The following DNAH3 variants were observed in gnomAD, a reference collection of about 807,000 sequenced individuals.
DNAH3 encodes the protein axonemal beta dynein heavy chain 3.
DNAH3 carries 332 observed loss-of-function variants against 432.5 expected under a neutral mutation model. That is an observed-to-expected ratio of 0.77 (90% confidence interval 0.70 to 0.84). The LOEUF (loss-of-function observed/expected upper bound fraction) is 0.84. Ranked by LOEUF, DNAH3 falls within the 40% of genes least tolerant of loss-of-function variation. The probability of loss-of-function intolerance (pLI) is 0.00; values close to 1 mark genes in which losing one functional copy is unlikely to be tolerated. For synonymous variants in DNAH3, 1,956 were observed against 1,900.2 expected, an observed-to-expected ratio of 1.03 and a Z score of -0.76; for missense variants, 4,861 against 5,114.0, an observed-to-expected ratio of 0.95 and a Z score of 1.51.
chr16:21,134,789 C>T (rs915262123), intron 6 of DNAH3, among the ~76,000 whole-genome samples: 1 of 152,094 alleles, frequency 6.6e-6, no homozygotes, highest in Non-Finnish European at 1.5e-5. Flanking sequence ...TAGGTTCAAG[C>T]CATTCTCCTG....
At chr16:21,150,929 T>A (rs1218283469) in intron 1 of DNAH3, 83 bp from the exon 1 acceptor site, 1 of 152,342 alleles carries the variant, frequency 6.6e-6, no homozygotes, top group Non-Finnish European at 1.5e-5. Context: ...CCTAGCTCTG[T>A]GAGCTGGTGT....
At chr16:21,023,827 G>A (rs569889905) in intron 39 of DNAH3, among the ~76,000 whole-genome samples, 81 of 147,516 alleles carry the variant, frequency 5.5e-4, no homozygotes, top group Middle Eastern at 6.9e-3. Context: ...GTGGACTGGC[G>A]CTTGAATGTG....
chr16:21,107,117 C>T (rs1452916133), intron 14 of DNAH3, among the ~76,000 whole-genome samples: 1 of 151,988 alleles, frequency 6.6e-6, no homozygotes. Flanking sequence ...AGCTCATACT[C>T]TTAACAAATA....
rs1487585985 is a variant in DNAH3, at chr16:21,122,071, C to A, written c.1458G>T (p.Gln486His). The change falls in exon 10 of 62, where the codon CAG becomes CAT. Residue 486 changes from glutamine (Q) to histidine (H), a missense_variant. By Grantham distance (24) the Gln-to-His change is conservative (BLOSUM62 0). Transcript: ENST00000261383. ...TGACTTCAAGTTTGATCATGATTAGCTGAGGTATGAAAAACTTCATCTCTT... is the reference window on the plus strand; with the variant it reads ...TGACTTCAAGTTTGATCATGATTAGATGAGGTATGAAAAACTTCATCTCTT... 6 of 1,613,624 alleles carry A rather than the reference C, an allele frequency of 3.7e-6. No homozygotes were observed. The African/African-American group carries it at 8.0e-5, about 22-fold the overall frequency.
intron 41 of DNAH3, among the ~76,000 whole-genome samples, chr16:21,014,400 C>T (rs1213502973): frequency 6.6e-6 from 1 of 152,052 alleles, no homozygotes; most frequent in Non-Finnish European, 1.5e-5. Flanking sequence ...TGACAAAATC[C>T]AACATCCACT....
At position 20,997,410 on chromosome 16, in the gene DNAH3, C is replaced by A. The variant is rs775114534; in HGVS notation, c.6474G>T (p.Glu2158Asp). 6 of 1,614,188 alleles carry A rather than the reference C, an allele frequency of 3.7e-6. No individual in the cohort carries two copies. In the South Asian group the frequency reaches 6.6e-5, roughly 18 times the overall value. The change falls in exon 44 of 62, where the codon GAG becomes GAT. Residue 2158 changes from glutamate (E) to aspartate (D), a missense_variant. Glu to Asp is a conservative substitution (Grantham distance 45). Coordinates refer to ENST00000261383, the Ensembl canonical transcript of DNAH3. ...CATGGTCAATCCACTGCCTCAGGAG[C>A]TCGATGGGTGGCTGGGCCCCATACA...
intron 59 of DNAH3, 146 bp from the exon 60 acceptor site, chr16:20,936,999 A>G: frequency 1.5e-6 from 1 of 657,808 alleles, no homozygotes; most frequent in South Asian, 2.0e-5. Flanking sequence ...TTACCTTGCT[A>G]CCTAAAGATA....
At chr16:21,067,158 A>T in intron 24 of DNAH3, 125 bp downstream of exon 24, 1 of 1,092,716 alleles carries the variant, frequency 9.2e-7, no homozygotes, top group Non-Finnish European at 1.4e-6. Context: ...ACTGTCTTGG[A>T]GAATGGAAAA....
intron 42 of DNAH3, among the ~76,000 whole-genome samples, chr16:21,001,506 G>A (rs570057407): frequency 1.2e-4 from 19 of 152,262 alleles, no homozygotes; most frequent in Middle Eastern, 3.4e-3. Flanking sequence ...AGGTCTGTGC[G>A]ACATAATGGC....
At chr16:21,111,464 C>G (rs1486694570) in intron 14 of DNAH3, among the ~76,000 whole-genome samples, 162 bp downstream of exon 14, 2 of 152,128 alleles carry the variant, frequency 1.3e-5, no homozygotes, top group African/African-American at 4.8e-5. Flanking sequence ...CTGTTCACCT[C>G]CTAGCCTGAA....
exon 53 of DNAH3, chr16:20,964,840 T>C: frequency 1.9e-6 from 3 of 1,614,092 alleles, no homozygotes; most frequent in South Asian, 2.2e-5. Flanking sequence ...GACCCGATAA[T>C]CCACTGTAAA....
intron 16 of DNAH3, chr16:21,104,168 T>C (rs1295911954): frequency 1.5e-5 from 4 of 267,904 alleles, no homozygotes; most frequent in African/African-American, 8.7e-5. Context: ...TTCACTATTA[T>C]TATTGGGGAG....
intron 21 of DNAH3, among the ~76,000 whole-genome samples, chr16:21,073,593 T>C (rs2090870811): frequency 1.3e-5 from 2 of 152,184 alleles, no homozygotes; most frequent in South Asian, 2.1e-4. Flanking sequence ...CTGAAGGACA[T>C]TGGAAGGCCT....
chr16:21,105,297 A>G (rs1169436797), intron 15 of DNAH3, among the ~76,000 whole-genome samples: 2 of 152,212 alleles, frequency 1.3e-5, no homozygotes, highest in African/African-American at 4.8e-5. Context: ...ATTTTCAGAT[A>G]GAAAATGGCT....
At chr16:21,000,457 T>C (rs766866212) in exon 43 of DNAH3, 2 of 1,613,832 alleles carry the variant, frequency 1.2e-6, no homozygotes, top group Non-Finnish European at 1.7e-6. Flanking sequence ...ATGGTCTAAG[T>C]AGGTTTTCAA....
At chr16:21,043,141 T>C (rs1428284801) in intron 31 of DNAH3, among the ~76,000 whole-genome samples, 7 of 152,082 alleles carry the variant, frequency 4.6e-5, no homozygotes, top group African/African-American at 1.7e-4. Flanking sequence ...TACGTGTGCA[T>C]GTGTCTTTAT....
exon 53 of DNAH3, chr16:20,963,726 C>A: frequency 6.2e-7 from 1 of 1,614,076 alleles, no homozygotes; most frequent in Non-Finnish European, 8.5e-7. Context: ...CCGTAATTTC[C>A]TTCTTCTGTT....
At chr16:20,976,377 G>C (rs2085590884) in intron 50 of DNAH3, among the ~76,000 whole-genome samples, 1 of 152,002 alleles carries the variant, frequency 6.6e-6, no homozygotes, top group South Asian at 2.1e-4. Flanking sequence ...ATTTTTAGTA[G>C]AGATGGGGTT....
chr16:20,964,370 T>G, exon 53 of DNAH3: 3 of 1,614,184 alleles, frequency 1.9e-6, no homozygotes, highest in Non-Finnish European at 2.5e-6. Context: ...CGGGTTGTGA[T>G]GTATAACTTA....
Sources: gnomAD v4.1 joint callset for allele counts (sites outside exome capture counted in the v4.1 genomes callset) on GRCh38, gnomAD v4.1.1 for gene constraint, MANE v1.5 for transcripts, NCBI Gene and HGNC (gene_info 2026-07-23, HGNC 2026-07-21) for gene names.